The following UNC13B variants were observed in gnomAD, a reference collection of about 807,000 sequenced individuals.
The protein encoded by UNC13B is unc-13 homolog B, also known as protein unc-13 homolog B.
UNC13B carries 144 observed loss-of-function variants against 211.0 expected under a neutral mutation model. That is an observed-to-expected ratio of 0.68 (90% confidence interval 0.60 to 0.78). The LOEUF (loss-of-function observed/expected upper bound fraction) is 0.78. Among genes scored for constraint, UNC13B ranks in the 30% least tolerant of loss-of-function variants. The pLI, the probability that UNC13B is intolerant of heterozygous loss-of-function variation, is 0.00. For missense variants in UNC13B, 1,777 were observed against 2,002.0 expected, an observed-to-expected ratio of 0.89 and a Z score of 2.14; for synonymous variants, 709 against 725.8, an observed-to-expected ratio of 0.98 and a Z score of 0.37.
chr9:35,326,196 T>G (rs1293810904), intron 11 of UNC13B, among the ~76,000 whole-genome samples: 3 of 152,204 alleles, frequency 2.0e-5, no homozygotes, highest in African/African-American at 4.8e-5. Context: ...CTTGTGATTT[T>G]GATTTGCATT....
chr9:35,382,617 C>G (rs1371172566), intron 21 of UNC13B, 110 bp downstream of exon 21: 1 of 1,345,306 alleles, frequency 7.4e-7, no homozygotes, highest in African/African-American at 1.5e-5. Context: ...GGCTGGAGTA[C>G]AGTGGCGTGG....
intron 11 of UNC13B, among the ~76,000 whole-genome samples, chr9:35,363,404 G>A (rs1425851410): frequency 1.3e-5 from 2 of 152,142 alleles, no homozygotes; most frequent in Non-Finnish European, 2.9e-5. Context: ...CATTATCCTG[G>A]GGGGGTTGAG....
intron 5 of UNC13B, among the ~76,000 whole-genome samples, chr9:35,240,030 C>T (rs1451136047): frequency 1.3e-5 from 2 of 152,174 alleles, no homozygotes; most frequent in African/African-American, 4.8e-5. Flanking sequence ...AAAGTAAAGA[C>T]AGGCATAGGA....
intron 11 of UNC13B, among the ~76,000 whole-genome samples, chr9:35,323,484 A>G (rs999464907): frequency 2.0e-5 from 3 of 152,154 alleles, no homozygotes; most frequent in African/African-American, 7.2e-5. Context: ...TTCAAACTTC[A>G]TGGTAAGCCC....
chr9:35,289,198 A>G (rs1310936581), intron 7 of UNC13B, among the ~76,000 whole-genome samples: 1 of 152,256 alleles, frequency 6.6e-6, no homozygotes, highest in Non-Finnish European at 1.5e-5. Context: ...GTGATTGATT[A>G]GTAGTCCCGT....
Position 35,403,149 on chromosome 9 carries a change from T to C in UNC13B, c.12485-18T>C. The C allele has an allele frequency of 6.2e-7, 1 of 1,612,822 alleles. No homozygotes were observed. The highest frequency in any genetic ancestry group is 8.5e-7 in the Non-Finnish European group (1 of 1,178,970). The stretch of plus-strand genomic sequence containing the variant: ...TACAGTTCTCCAATGGGGAATCATC[T>C]CTCCATTTGTCCCTCAGGGTCTGGT... On this transcript the variant is annotated intron_variant, in intron 37 of 39. Transcript: ENST00000635942.
At chr9:35,400,189 T>G in intron 36 of UNC13B, 107 bp from the exon 37 acceptor site, 1 of 1,487,582 alleles carries the variant, frequency 6.7e-7, no homozygotes, top group Non-Finnish European at 9.1e-7. Context: ...TGGGTGTTCC[T>G]GAACAGCCTA....
At chr9:35,253,519 A>G (rs141927381) in intron 6 of UNC13B, among the ~76,000 whole-genome samples, 1 of 152,324 alleles carries the variant, frequency 6.6e-6, no homozygotes, top group African/African-American at 2.4e-5. Flanking sequence ...ACCTACCCCT[A>G]AGATTCACTA....
At chr9:35,314,303 C>G (rs1476085392) in intron 11 of UNC13B, among the ~76,000 whole-genome samples, 1 of 152,108 alleles carries the variant, frequency 6.6e-6, no homozygotes, top group Admixed American at 6.6e-5. Flanking sequence ...TGATTTCAAG[C>G]CCCTGAGGAT....
rs1833651703 is a variant in UNC13B at position 35,364,583 on chromosome 9, C to T, written c.9415-2364C>T. The T allele has an allele frequency of 2.0e-6, 3 of 1,535,660 alleles. No individual in the cohort carries two copies. The East Asian group carries it at 7.3e-5, about 38-fold the overall frequency. On this transcript the variant is annotated intron_variant, in intron 11 of 39. Transcript: ENST00000635942. Reference sequence around the variant, plus strand: ...AGCCCTTCAGGTTGTGCCTATGACCCTTTGGGTCGTCCTTTTTTGTCTATT... The same window carrying T: ...AGCCCTTCAGGTTGTGCCTATGACCTTTTGGGTCGTCCTTTTTTGTCTATT...
chr9:35,369,104 C>T (rs751407082), intron 12 of UNC13B, among the ~76,000 whole-genome samples: 1 of 152,216 alleles, frequency 6.6e-6, no homozygotes, highest in Non-Finnish European at 1.5e-5. Flanking sequence ...ACAAAGCCTA[C>T]TGCCTATGTT....
chr9:35,261,312 C>A (rs912279578), intron 7 of UNC13B, among the ~76,000 whole-genome samples: 2 of 152,082 alleles, frequency 1.3e-5, no homozygotes, highest in Non-Finnish European at 2.9e-5. Flanking sequence ...CAGCGTGTTT[C>A]TGCTAAGAGC....
At chr9:35,273,342 C>T (rs1827997941) in intron 7 of UNC13B, among the ~76,000 whole-genome samples, 1 of 152,140 alleles carries the variant, frequency 6.6e-6, no homozygotes, top group Non-Finnish European at 1.5e-5. Flanking sequence ...CTTACCTTTC[C>T]TCATTTTCAA....
At chr9:35,319,866 T>C (rs1830654144) in intron 11 of UNC13B, among the ~76,000 whole-genome samples, 1 of 151,736 alleles carries the variant, frequency 6.6e-6, no homozygotes, top group African/African-American at 2.4e-5. Context: ...TCATTATGTT[T>C]CCTAGGCTGG....
chr9:35,394,550 A>G (rs374365497), intron 26 of UNC13B, among the ~76,000 whole-genome samples: 2 of 152,138 alleles, frequency 1.3e-5, no homozygotes, highest in African/African-American at 4.8e-5. Context: ...GAGCAGAGAT[A>G]GCACCACTGC....
Position 35,300,817 on chromosome 9 carries a change from A to G in UNC13B, c.1413A>G (p.Glu471=), listed in dbSNP as rs1829641900. 2.5e-6 allele frequency: 1 copy of G among 398,844 alleles called. No individual in the cohort carries two copies. Among genetic ancestry groups the G allele is most frequent in the African/African-American group, 2.1e-5 (1 of 48,650 alleles). The allele number at this position is 398,844 out of a possible 1,614,324, so 24.7% of individuals were successfully genotyped here. A position where few individuals can be genotyped will look rare whatever the true frequency, so the allele number is the denominator to read the frequency against. The change falls in exon 9 of 40, where the codon GAA becomes GAG. Residue 471 remains glutamate (E), a synonymous_variant. Transcript: ENST00000635942. The part of the protein sequence containing the change: ...ELQCLVETVS[E]YLAEKEEEIN... ...AGTGTTTGGTAGAAACGGTGTCAGA[A>G]TATTTAGCAGAGAAGGAAGAGGAGA...
chr9:35,356,224 A>G (rs936287524), intron 11 of UNC13B, among the ~76,000 whole-genome samples: 8 of 152,210 alleles, frequency 5.3e-5, no homozygotes, highest in Non-Finnish European at 1.5e-5. Context: ...TCACTGGAGC[A>G]GTCCCCTAAC....
intron 26 of UNC13B, among the ~76,000 whole-genome samples, chr9:35,395,360 G>A (rs1173221344): frequency 1.3e-5 from 2 of 152,314 alleles, no homozygotes; most frequent in East Asian, 3.9e-4. Flanking sequence ...CAGTGCCAGG[G>A]AATGAAATTC....
intron 7 of UNC13B, among the ~76,000 whole-genome samples, chr9:35,260,894 G>A (rs1827235499): frequency 6.6e-6 from 1 of 152,090 alleles, no homozygotes; most frequent in South Asian, 2.1e-4. Flanking sequence ...CTCCTTCCTG[G>A]TCTCATTGAT....
Sources: allele counts gnomAD v4.1 joint callset (sites outside exome capture counted in the v4.1 genomes callset), GRCh38; gene constraint gnomAD v4.1.1; transcripts MANE v1.5; gene names NCBI Gene and HGNC (gene_info 2026-07-23, HGNC 2026-07-21).